The following SOCS4 variants were observed in gnomAD, a reference collection of about 807,000 sequenced individuals.
The protein encoded by SOCS4 is suppressor of cytokine signaling 4.
SOCS4 carries 20 observed loss-of-function variants against 34.1 expected under a neutral mutation model. That is an observed-to-expected ratio of 0.59 (90% CI 0.41 to 0.85). The LOEUF (loss-of-function observed/expected upper bound fraction) is 0.85, where lower values mean the gene tolerates loss of function less well. Among genes scored for constraint, SOCS4 ranks in the 40% least tolerant of loss-of-function variants. The pLI is 0.00. For synonymous variants in SOCS4, 180 were observed against 186.4 expected, an observed-to-expected ratio of 0.97 and a Z score of 0.28; for missense variants, 479 against 532.4, an observed-to-expected ratio of 0.90 and a Z score of 0.99.
chr14:55,043,684 A>G lies in SOCS4; in HGVS notation c.643A>G (p.Met215Val), dbSNP rs1258522734. The change falls in exon 3 of 3, where the codon ATG (methionine) becomes GTG (valine). Residue 215 changes from methionine to valine, a missense_variant. Coordinates refer to ENST00000555846, the MANE Select transcript of SOCS4 (RefSeq NM_199421.2). ...CREGPMTGSV[M>V]NLVSNNSIED... is the part of the protein sequence containing the mutation. The stretch of plus-strand genomic sequence containing the variant: ...AGAAGGTCCTATGACTGGCTCTGTG[A>G]TGAACCTGGTTTCAAATAACAGTAT... 3 of 1,614,090 alleles carry G rather than the reference A, an allele frequency of 1.9e-6. No individual in the cohort carries two copies. The highest frequency in any genetic ancestry group is 1.3e-5 in the African/African-American group (1 of 74,932).
At chr14:55,041,190 A>T (rs2042615091) in intron 2 of SOCS4, among the ~76,000 whole-genome samples, 1 of 152,094 alleles carries the variant, frequency 6.6e-6, no homozygotes, top group East Asian at 1.9e-4. Flanking sequence ...TGGCCTTAGA[A>T]ATGGAGTTCT....
intron 2 of SOCS4, among the ~76,000 whole-genome samples, chr14:55,035,839 C>CT (rs146751115): frequency 2.4e-4 from 35 of 147,508 alleles, no homozygotes; most frequent in South Asian, 4.3e-4. Context: ...AACCATGTTT[C>CT]TTTTTTTTTT....
At chr14:55,030,206 G>C (rs8015717) in intron 1 of SOCS4, among the ~76,000 whole-genome samples, 6 of 152,044 alleles carry the variant, frequency 3.9e-5, no homozygotes, top group Admixed American at 3.3e-4. Flanking sequence ...TAATTTGTAC[G>C]TAAAACTTGT....
chr14:55,034,082 G>C (rs935924389), intron 2 of SOCS4, among the ~76,000 whole-genome samples: 3 of 152,102 alleles, frequency 2.0e-5, no homozygotes, highest in Non-Finnish European at 2.9e-5. Context: ...GCAGTGAGCC[G>C]AGATCGCACT....
At chr14:55,030,483 A>C (rs1306701175) in intron 1 of SOCS4, among the ~76,000 whole-genome samples, 1 of 152,158 alleles carries the variant, frequency 6.6e-6, no homozygotes, top group Non-Finnish European at 1.5e-5. Flanking sequence ...CAGATTTTCT[A>C]GCCTTACATA....
rs143362180 is a variant in SOCS4 at position 55,028,779 on chromosome 14, G to A, written c.-220+1308G>A. Among the ~76,000 whole-genome samples the A allele has an allele frequency of 4.0e-3, 615 of 152,262 alleles. 2 individuals are homozygous for A. Among genetic ancestry groups the A allele is most frequent in the Non-Finnish European group, 6.7e-3 (457 of 68,026 alleles). ...TTTTGCATGTATGGTAAAAGCTTGA[G>A]CCTCCGAGTTTAACAGTCCTGGGTT... On this transcript the variant is annotated intron_variant, in intron 1 of 2. Coordinates refer to ENST00000555846, the MANE Select transcript of SOCS4 (RefSeq NM_199421.2).
At chr14:55,042,816 G>A (rs1295847122) in intron 2 of SOCS4, 136 bp from the exon 3 acceptor site, 1 of 450,350 alleles carries the variant, frequency 2.2e-6, no homozygotes, top group East Asian at 3.8e-5. Context: ...GGAACAAAGT[G>A]TCTTGGGACT....
In SOCS4 at chr14:55,035,215, A is replaced by T. The variant is rs889607789; in HGVS notation, c.-91+3224A>T. On this transcript the variant is annotated intron_variant, in intron 2 of 2. Transcript: ENST00000555846. ...TGTGGAAAACTCAACTAGGGCAGTG[A>T]TATTTTTCACTTTATTTTATGGACA... Among the ~76,000 whole-genome samples, 6 of 152,292 alleles carry T rather than the reference A, an allele frequency of 3.9e-5. No homozygotes were observed. In the East Asian group the frequency reaches 1.2e-3, roughly 29 times the overall value.
In SOCS4 at chr14:55,049,475, T is replaced by C. The variant is rs1267265355; in HGVS notation, c.*5111T>C. 1 of 167,060 alleles carries C rather than the reference T, an allele frequency of 6.0e-6. No homozygotes were observed. 10.3% of individuals were successfully genotyped at this position (167,060 alleles called of 1,614,324 possible). On this transcript the variant is annotated 3_prime_UTR_variant, in exon 3 of 3. Coordinates refer to ENST00000555846, the MANE Select transcript of SOCS4 (RefSeq NM_199421.2). ...TCATTTCTACTTAATTAAAACTTCC[T>C]ATGTAAAATCCAAAGGCTTTGTGTT...
In SOCS4 at chr14:55,043,187, C is replaced by A; in HGVS notation, c.146C>A (p.Ala49Asp). 1 of 1,614,170 alleles carries A rather than the reference C, an allele frequency of 6.2e-7. No homozygotes were observed. The highest frequency in any genetic ancestry group is 1.3e-5 in the African/African-American group (1 of 75,034). ...AAAAAGAGTGAGAGTTATTCAGATG[C>A]TGAGACAGTGAATGGTATAGAGAAA... The part of the protein sequence containing the change: ...WSKKSESYSD[A>D]ETVNGIEKTE... The change falls in exon 3 of 3, where the codon GCT becomes GAT. Residue 49 changes from alanine to aspartate, a missense_variant. Coordinates refer to ENST00000555846, the MANE Select transcript of SOCS4 (RefSeq NM_199421.2).
intron 2 of SOCS4, among the ~76,000 whole-genome samples, chr14:55,034,819 CAAAAA>C (rs543244514): frequency 1.8e-5 from 2 of 112,418 alleles, no homozygotes; most frequent in Admixed American, 1.9e-4. Flanking sequence ...GACTTCACCT[CAAAAA>C]AAAAAAAAGT....
intron 2 of SOCS4, among the ~76,000 whole-genome samples, chr14:55,035,809 C>T (rs1368120481): frequency 6.6e-6 from 1 of 150,976 alleles, no homozygotes; most frequent in Non-Finnish European, 1.5e-5. Context: ...ATGGCTAGCA[C>T]AAAACAGAAA....
rs1168180114 is a variant in SOCS4 at position 55,043,917 on chromosome 14, T to C, written c.876T>C (p.Asp292=). ...ACCCATGTTACTGGGGAGTGATGGA[T>C]AAATACGCAGCCGAAGCACTACTGG... is the stretch of plus-strand genomic sequence containing the variant. ...NNNPCYWGVM[D]KYAAEALLEG... The change falls in exon 3 of 3, where the codon GAT becomes GAC. Residue 292 remains aspartate (D), a synonymous_variant. Transcript: ENST00000555846. The C allele has an allele frequency of 1.4e-5, 23 of 1,614,032 alleles. No homozygotes were observed. Among genetic ancestry groups the C allele is most frequent in the Non-Finnish European group, 1.4e-5 (16 of 1,180,024 alleles).
chr14:55,043,932 A>G lies in SOCS4; in HGVS notation c.891A>G (p.Glu297=). The change falls in exon 3 of 3, where the codon GAA becomes GAG. Residue 297 remains glutamate (E), a synonymous_variant. Transcript: ENST00000555846. ...GAGTGATGGATAAATACGCAGCCGAAGCACTACTGGAAGGAAAACCAGAGG... is the reference window on the plus strand; with the variant it reads ...GAGTGATGGATAAATACGCAGCCGAGGCACTACTGGAAGGAAAACCAGAGG... ...YWGVMDKYAA[E]ALLEGKPEGT... is the part of the protein sequence containing the mutation. 6.2e-7 allele frequency: 1 copy of G among 1,614,198 alleles called. No homozygotes were observed. The highest frequency in any genetic ancestry group is 2.2e-5 in the East Asian group (1 of 44,882).
At position 55,048,131 on chromosome 14, in the gene SOCS4, G is replaced by A. The variant is rs2042693234; in HGVS notation, c.*3767G>A. 1 of 165,888 alleles carries A rather than the reference G, an allele frequency of 6.0e-6. No homozygotes were observed. The highest frequency in any genetic ancestry group is 1.5e-5 in the Non-Finnish European group (1 of 68,140). The allele number at this position is 165,888 out of a possible 1,614,324, so 10.3% of individuals were successfully genotyped here. ...CGATGGTGTTTCACTACATTGGCCA[G>A]GCTGGTCTCGAACTCCTGACCTCAG... On this transcript the variant is annotated 3_prime_UTR_variant, in exon 3 of 3. Transcript: ENST00000555846.
rs1055501914 is a variant in SOCS4, at chr14:55,044,940, C to T, written c.*576C>T. 1 of 166,886 alleles carries T rather than the reference C, an allele frequency of 6.0e-6. No individual in the cohort carries two copies. The highest frequency in any genetic ancestry group is 2.4e-5 in the African/African-American group (1 of 41,406). 10.3% of individuals were successfully genotyped at this position (166,886 alleles called of 1,614,324 possible). A position where few individuals can be genotyped will look rare whatever the true frequency, so the allele number is the denominator to read the frequency against. ...AATAGGGATGTTAAAAGTAACAAAA[C>T]CAAGTCAAACTTGGTGTATTTTTAT... On this transcript the variant is annotated 3_prime_UTR_variant, in exon 3 of 3. Coordinates refer to ENST00000555846, the MANE Select transcript of SOCS4 (RefSeq NM_199421.2).
rs2042692107 is a variant in SOCS4 at position 55,048,003 on chromosome 14, C to T, written c.*3639C>T. Reference sequence around the variant, plus strand: ...ATGGCGCAATCTCGGTTCACTGCAACCTCTGCCTTCCAGGTTCCAGCAATT... The same window carrying T: ...ATGGCGCAATCTCGGTTCACTGCAATCTCTGCCTTCCAGGTTCCAGCAATT... On this transcript the variant is annotated 3_prime_UTR_variant, in exon 3 of 3. Transcript: ENST00000555846. 6.0e-6 allele frequency: 1 copy of T among 165,574 alleles called. No homozygotes were observed. 10.3% of individuals were successfully genotyped at this position (165,574 alleles called of 1,614,324 possible).
Position 55,034,681 on chromosome 14 carries a change from C to A in SOCS4, c.-91+2690C>A, listed in dbSNP as rs1254879336. 2.6e-5 allele frequency among the ~76,000 whole-genome samples: 4 copies of A among 151,814 alleles called. No homozygotes were observed. The East Asian group carries it at 7.8e-4, about 30-fold the overall frequency. ...ACCCCGTCTCTACTAAAAAAAACTA[C>A]AAAAATTAGCCAGGCGCGGTGGCAG... On this transcript the variant is annotated intron_variant, in intron 2 of 2. Coordinates refer to ENST00000555846, the MANE Select transcript of SOCS4 (RefSeq NM_199421.2).
rs1261488546 is a variant in SOCS4, at chr14:55,044,433, C to T, written c.*69C>T. ...TTAATATTTTATTTTTCTTTTTATG[C>T]CACTTTGGATTTTTCTACAAAGGCA... On this transcript the variant is annotated 3_prime_UTR_variant, in exon 3 of 3. Coordinates refer to ENST00000555846, the MANE Select transcript of SOCS4 (RefSeq NM_199421.2). The T allele has an allele frequency of 1.2e-5, 14 of 1,183,454 alleles. No homozygotes were observed. Among genetic ancestry groups the T allele is most frequent in the Admixed American group, 3.8e-5 (1 of 26,416 alleles). The allele number at this position is 1,183,454 out of a possible 1,614,324, so 73.3% of individuals were successfully genotyped here.
Sources: gnomAD v4.1 joint callset for allele counts (sites outside exome capture counted in the v4.1 genomes callset) on GRCh38, gnomAD v4.1.1 for gene constraint, MANE v1.5 for transcripts, NCBI Gene and HGNC (gene_info 2026-07-23, HGNC 2026-07-21) for gene names.